TLE1: variants seen among roughly 807,000 people sequenced by gnomAD.
TLE1 encodes TLE family member 1, transcriptional corepressor.
Under a neutral mutation model 89.8 loss-of-function variants are expected in TLE1, and 21 were observed. The observed-to-expected ratio is 0.23, with a 90% confidence interval of 0.17 to 0.34. The LOEUF is 0.34. Among genes scored for constraint, TLE1 ranks in the 10% least tolerant of loss-of-function variants. TLE1 has a pLI of 1.00. For synonymous variants in TLE1, 447 were observed against 407.6 expected, an observed-to-expected ratio of 1.10 and a Z score of -1.16; for missense variants, 795 against 1,031.2, an observed-to-expected ratio of 0.77 and a Z score of 3.14.
rs1183501672 is a variant in TLE1, at chr9:81,590,913, G to A, written c.1721C>T (p.Ala574Val). The part of the protein sequence containing the change: ...PRIKAELTSS[A>V]PACYALAISP... ...GATGGCCAGGGCGTAGCAGGCGGGG[G>A]CCGAGGACGTCAGCTCCGCCTTGAT... The change falls in exon 16 of 20, where the codon GCC becomes GTC. Residue 574 changes from alanine (A) to valine (V), a missense_variant. Transcript: ENST00000376499. 2 of 1,614,256 alleles carry A rather than the reference G, an allele frequency of 1.2e-6. No individual in the cohort carries two copies. Among genetic ancestry groups the A allele is most frequent in the Admixed American group, 3.3e-5 (2 of 60,028 alleles).
Position 81,585,543 on chromosome 9 carries a change from T to C in TLE1, c.2090A>G (p.His697Arg). 6.2e-7 allele frequency: 1 copy of C among 1,614,140 alleles called. No homozygotes were observed. Among genetic ancestry groups the C allele is most frequent in the Non-Finnish European group, 8.5e-7 (1 of 1,180,038 alleles). ...TTTCAGGGACAGCACGCAGCTCTCA[T>C]GCAGGTGCAGCTGGTACTTGTCAGG... ...NKPDKYQLHLHESCVLSLKFA... is the reference protein window; with the variant it reads ...NKPDKYQLHLRESCVLSLKFA... Residue 697 changes from histidine to arginine, a missense_variant, in exon 18 of 20, where the codon CAT becomes CGT. By Grantham distance (29) the His-to-Arg change is conservative (BLOSUM62 0). Coordinates refer to ENST00000376499, the MANE Select transcript of TLE1 (RefSeq NM_005077.5).
chr9:81,651,364 C>G (rs1829508050), intron 6 of TLE1, among the ~76,000 whole-genome samples: 1 of 152,102 alleles, frequency 6.6e-6, no homozygotes, highest in Admixed American at 6.5e-5. Flanking sequence ...TGAACTCATG[C>G]AGGGGATGGA....
chr9:81,669,350 C>T (rs1010535843), intron 4 of TLE1, among the ~76,000 whole-genome samples: 1 of 152,182 alleles, frequency 6.6e-6, no homozygotes, highest in African/African-American at 2.4e-5. Flanking sequence ...CTGGGCCACT[C>T]GGCTGTTTTC....
Position 81,687,320 on chromosome 9 carries a change from G to T in TLE1, c.125+14C>A, listed in dbSNP as rs777050238. 14 of 1,593,412 alleles carry T rather than the reference G, an allele frequency of 8.8e-6. No homozygotes were observed. In the South Asian group the frequency reaches 1.4e-4, roughly 16 times the overall value. On this transcript the variant is annotated intron_variant, in intron 2 of 19. Transcript: ENST00000376499. ...ACGCCCGCGACCACTCGCATGGCGCGGCCGGACACGCACCTGTGATACTGC... is the reference window on the plus strand; with the variant it reads ...ACGCCCGCGACCACTCGCATGGCGCTGCCGGACACGCACCTGTGATACTGC...
chr9:81,623,013 C>T (rs900037077), intron 8 of TLE1, among the ~76,000 whole-genome samples: 2 of 152,190 alleles, frequency 1.3e-5, no homozygotes, highest in African/African-American at 4.8e-5. Flanking sequence ...TGACTTCTTC[C>T]AGCCCTGACG....
chr9:81,676,390 A>T (rs1832911681), intron 4 of TLE1, among the ~76,000 whole-genome samples: 1 of 152,180 alleles, frequency 6.6e-6, no homozygotes, highest in Non-Finnish European at 1.5e-5. Flanking sequence ...ACAGCCTGCC[A>T]CTGGGTAGTC....
rs552019213 is a variant in TLE1 at position 81,620,590 on chromosome 9, T to C, written c.595-33A>G. ...ACAAAAAAATTAATCAAAGATTTCTTCCCAAGCCTCTTTGTACACATGAAA... is the reference window on the plus strand; with the variant it reads ...ACAAAAAAATTAATCAAAGATTTCTCCCCAAGCCTCTTTGTACACATGAAA... On this transcript the variant is annotated intron_variant, in intron 8 of 19. Coordinates refer to ENST00000376499, the MANE Select transcript of TLE1 (RefSeq NM_005077.5). 12 of 1,600,364 alleles carry C rather than the reference T, an allele frequency of 7.5e-6. No homozygotes were observed. In the African/African-American group the frequency reaches 1.6e-4, roughly 22 times the overall value.
Position 81,591,173 on chromosome 9 carries a change from G to A in TLE1, c.1582-121C>T, listed in dbSNP as rs1024132874. The A allele has an allele frequency of 3.0e-6, 4 of 1,322,376 alleles. No homozygotes were observed. In the African/African-American group the frequency reaches 4.4e-5, roughly 15 times the overall value. 81.9% of individuals were successfully genotyped at this position (1,322,376 alleles called of 1,614,324 possible). ...GGTGTTTCATGGACACTCTAACAGA[G>A]CAAGAGTTCTCTAGTCAAGATTGGG... is the stretch of plus-strand genomic sequence containing the variant. On this transcript the variant is annotated intron_variant, in intron 15 of 19. Coordinates refer to ENST00000376499, the MANE Select transcript of TLE1 (RefSeq NM_005077.5).
chr9:81,674,237 C>T (rs2133001280), intron 4 of TLE1, among the ~76,000 whole-genome samples: 1 of 152,344 alleles, frequency 6.6e-6, no homozygotes, highest in East Asian at 1.9e-4. Context: ...ACATTTACTG[C>T]AAATCCCAAT....
rs756103200 is a variant in TLE1 at position 81,620,608 on chromosome 9, A to G, written c.595-51T>C. On this transcript the variant is annotated intron_variant, in intron 8 of 19. Coordinates refer to ENST00000376499, the MANE Select transcript of TLE1 (RefSeq NM_005077.5). ...GATTTCTTCCCAAGCCTCTTTGTACACATGAAACCCAACCTCGATGTGAGA... is the reference window on the plus strand; with the variant it reads ...GATTTCTTCCCAAGCCTCTTTGTACGCATGAAACCCAACCTCGATGTGAGA... 5.7e-6 allele frequency: 9 copies of G among 1,580,110 alleles called. No individual in the cohort carries two copies. The East Asian group carries it at 1.8e-4, about 32-fold the overall frequency.
chr9:81,671,552 G>A (rs1832226723), intron 4 of TLE1, among the ~76,000 whole-genome samples: 1 of 152,088 alleles, frequency 6.6e-6, no homozygotes, highest in Non-Finnish European at 1.5e-5. Context: ...GGCCAAGGCA[G>A]GAGAATCGCT....
chr9:81,683,851 G>A (rs184062352), intron 4 of TLE1, among the ~76,000 whole-genome samples: 8 of 152,052 alleles, frequency 5.3e-5, no homozygotes, highest in Non-Finnish European at 1.0e-4. Context: ...AAACTCATTA[G>A]AAAACTATTC....
At chr9:81,637,091 G>T (rs7040376) in intron 6 of TLE1, among the ~76,000 whole-genome samples, 1 of 152,076 alleles carries the variant, frequency 6.6e-6, no homozygotes, top group Non-Finnish European at 1.5e-5. Flanking sequence ...GGGAAGGTGG[G>T]TCATGCCTGT....
At chr9:81,644,525 A>G (rs969335871) in intron 6 of TLE1, among the ~76,000 whole-genome samples, 1 of 152,194 alleles carries the variant, frequency 6.6e-6, no homozygotes, top group Non-Finnish European at 1.5e-5. Flanking sequence ...ATTCATAGAG[A>G]TGGATAAGCA....
chr9:81,632,125 T>C (rs140676164), intron 8 of TLE1, among the ~76,000 whole-genome samples: 9,273 of 112,572 alleles, frequency 0.082, 394 homozygotes, highest in East Asian at 0.4. Context: ...AACCCTGGAA[T>C]GGCAAAACAA....
rs1828054669 is a variant in TLE1 at position 81,584,534 on chromosome 9, G to C, written c.2129-10C>G. 1 of 1,613,368 alleles carries C rather than the reference G, an allele frequency of 6.2e-7. No individual in the cohort carries two copies. Among genetic ancestry groups the C allele is most frequent in the Non-Finnish European group, 8.5e-7 (1 of 1,179,584 alleles). ...CTCACAAACCATTTACCTAGAATTA[G>C]CAAAGGAATATCTAGTTTTCACAAG... On this transcript the variant is annotated splice_polypyrimidine_tract_variant and intron_variant, in intron 18 of 19. Coordinates refer to ENST00000376499, the MANE Select transcript of TLE1 (RefSeq NM_005077.5).
intron 5 of TLE1, among the ~76,000 whole-genome samples, chr9:81,653,535 C>T (rs943083801): frequency 1.3e-5 from 2 of 152,156 alleles, no homozygotes; most frequent in African/African-American, 4.8e-5. Context: ...ATCATCCACC[C>T]CTTCAAGGAC....
intron 4 of TLE1, among the ~76,000 whole-genome samples, chr9:81,663,997 C>T (rs1042544647): frequency 5.9e-5 from 9 of 152,106 alleles, no homozygotes; most frequent in Admixed American, 5.9e-4. Flanking sequence ...CCAAACTCCA[C>T]TTTAATATTC....
chr9:81,617,754 G>A (rs552672091), intron 9 of TLE1, among the ~76,000 whole-genome samples: 18 of 149,744 alleles, frequency 1.2e-4, no homozygotes, highest in Middle Eastern at 3.8e-3. Flanking sequence ...GGCTGGGCGC[G>A]GTGGCTCAAG....
Sources: gnomAD v4.1 joint callset for allele counts (sites outside exome capture counted in the v4.1 genomes callset) on GRCh38, gnomAD v4.1.1 for gene constraint, MANE v1.5 for transcripts, NCBI Gene and HGNC (gene_info 2026-07-23, HGNC 2026-07-21) for gene names.